Variants in NUCKS1 observed in about 807,000 individuals in gnomAD.
The protein encoded by NUCKS1 is nuclear ubiquitous casein and cyclin-dependent kinase substrate 1.
NUCKS1 carries 2 observed loss-of-function variants against 33.0 expected under a neutral mutation model. The observed-to-expected ratio is 0.06, with a 90% CI of 0.02 to 0.19. NUCKS1 has a LOEUF of 0.19. Among genes scored for constraint, NUCKS1 ranks in the 10% least tolerant of loss-of-function variants. The pLI is 1.00. For missense variants in NUCKS1, 201 were observed against 293.6 expected, an observed-to-expected ratio of 0.68 and a Z score of 2.31; for synonymous variants, 106 against 102.8, an observed-to-expected ratio of 1.03 and a Z score of -0.19.
intron 1 of NUCKS1, among the ~76,000 whole-genome samples, chr1:205,739,264 C>T (rs1181117965): frequency 6.6e-6 from 1 of 152,202 alleles, no homozygotes; most frequent in Non-Finnish European, 1.5e-5. Context: ...TCAAACCTTC[C>T]TTTCCTAAGT....
intron 1 of NUCKS1, among the ~76,000 whole-genome samples, chr1:205,740,008 T>TTG (rs1654127797): frequency 7.1e-6 from 1 of 140,380 alleles, no homozygotes; most frequent in Non-Finnish European, 1.6e-5. Context: ...TTTTTTTTTT[T>TTG]TTTTTTTTTT....
At chr1:205,728,643 C>G (rs1414026323) in intron 2 of NUCKS1, among the ~76,000 whole-genome samples, 1 of 151,736 alleles carries the variant, frequency 6.6e-6, no homozygotes, top group Non-Finnish European at 1.5e-5. Context: ...TTTTCTAAGT[C>G]TTCCCAAAGG....
intron 1 of NUCKS1, among the ~76,000 whole-genome samples, chr1:205,731,895 C>CAAAAA (rs34020544): frequency 8.9e-6 from 1 of 111,860 alleles, no homozygotes; most frequent in Non-Finnish European, 1.9e-5. Flanking sequence ...GACTCCGTCT[C>CAAAAA]AAAAAAAAAA....
intron 1 of NUCKS1, among the ~76,000 whole-genome samples, chr1:205,735,449 G>A (rs1004739808): frequency 2.6e-5 from 4 of 152,186 alleles, no homozygotes; most frequent in South Asian, 2.1e-4. Flanking sequence ...GGTGCTATGT[G>A]ACACATGATA....
At chr1:205,746,870 G>A (rs770725421) in intron 1 of NUCKS1, among the ~76,000 whole-genome samples, 3 of 152,146 alleles carry the variant, frequency 2.0e-5, no homozygotes, top group Non-Finnish European at 4.4e-5. Context: ...AGCACACTTA[G>A]GTTACAAGGA....
chr1:205,742,353 A>G (rs745867643), intron 1 of NUCKS1, among the ~76,000 whole-genome samples: 24 of 152,238 alleles, frequency 1.6e-4, no homozygotes, highest in Admixed American at 9.8e-4. Flanking sequence ...CTCTTCATCT[A>G]AAGTGTTTCA....
intron 1 of NUCKS1, among the ~76,000 whole-genome samples, chr1:205,734,294 G>A (rs931393281): frequency 6.6e-6 from 1 of 151,846 alleles, no homozygotes; most frequent in South Asian, 2.1e-4. Flanking sequence ...AGACTATATT[G>A]GCATTATATA....
chr1:205,732,438 T>C (rs2102439377), intron 1 of NUCKS1, among the ~76,000 whole-genome samples: 1 of 152,156 alleles, frequency 6.6e-6, no homozygotes, highest in East Asian at 1.9e-4. Context: ...AGATTAAGAG[T>C]TCTTTACAAC....
At position 205,716,876 on chromosome 1, in the gene NUCKS1, C is replaced by T. The variant is rs77146670; in HGVS notation, c.*1404G>A. 6.6e-6 allele frequency: 1 copy of T among 152,140 alleles called. No individual in the cohort carries two copies. The highest frequency in any genetic ancestry group is 6.5e-5 in the Admixed American group (1 of 15,268). The allele number at this position is 152,140 out of a possible 1,614,324, so 9.4% of individuals were successfully genotyped here. A position where few individuals can be genotyped will look rare whatever the true frequency, so the allele number is the denominator to read the frequency against. On this transcript the variant is annotated 3_prime_UTR_variant, in exon 7 of 7. Coordinates refer to ENST00000367142, the MANE Select transcript of NUCKS1 (RefSeq NM_022731.5). ...AACTGCACACAGGCCTCCTAAAATGCCTTGTTTCTCTAGTCCCTCCTGCTT... is the reference window on the plus strand; with the variant it reads ...AACTGCACACAGGCCTCCTAAAATGTCTTGTTTCTCTAGTCCCTCCTGCTT...
intron 6 of NUCKS1, among the ~76,000 whole-genome samples, chr1:205,719,043 C>T (rs1671876748): frequency 6.6e-6 from 1 of 152,110 alleles, no homozygotes; most frequent in African/African-American, 2.4e-5. Context: ...GAGGAGAAAC[C>T]ATTAGGGCTC....
chr1:205,741,587 AT>A (rs1654177340), intron 1 of NUCKS1, among the ~76,000 whole-genome samples: 1 of 152,162 alleles, frequency 6.6e-6, no homozygotes, highest in Non-Finnish European at 1.5e-5. Context: ...AGCCTGACAA[AT>A]TTAGGTTTAT....
intron 3 of NUCKS1, among the ~76,000 whole-genome samples, chr1:205,727,291 T>C (rs906449696): frequency 7.2e-5 from 11 of 152,134 alleles, no homozygotes; most frequent in Non-Finnish European, 1.5e-5. Context: ...GAGGCAAAAT[T>C]ATAGTTAAAA....
intron 1 of NUCKS1, among the ~76,000 whole-genome samples, chr1:205,745,703 A>G (rs1257551740): frequency 6.6e-6 from 1 of 152,168 alleles, no homozygotes; most frequent in Non-Finnish European, 1.5e-5. Context: ...AAAAAATGCT[A>G]GTTTTGTATT....
At chr1:205,725,495 T>G (rs868140978) in intron 3 of NUCKS1, among the ~76,000 whole-genome samples, 2 of 152,340 alleles carry the variant, frequency 1.3e-5, no homozygotes, top group Middle Eastern at 3.4e-3. Flanking sequence ...CTGAAACCTG[T>G]GACTGTTCTG....
In NUCKS1 at chr1:205,712,896, T is replaced by C. The variant is rs1054216269; in HGVS notation, c.*5384A>G. 2.0e-5 allele frequency: 3 copies of C among 152,216 alleles called. No individual in the cohort carries two copies. The highest frequency in any genetic ancestry group is 4.4e-5 in the Non-Finnish European group (3 of 68,032). The allele number at this position is 152,216 out of a possible 1,614,324, so 9.4% of individuals were successfully genotyped here. ...TTCCACAACACTTCATAACCTTGGA[T>C]GTAAACATGAGAAAAAATGCTAATT... is the stretch of plus-strand genomic sequence containing the variant. On this transcript the variant is annotated 3_prime_UTR_variant, in exon 7 of 7. Transcript: ENST00000367142.
At chr1:205,741,676 G>A (rs952823952) in intron 1 of NUCKS1, among the ~76,000 whole-genome samples, 1 of 152,178 alleles carries the variant, frequency 6.6e-6, no homozygotes. Context: ...ACAGAATTTT[G>A]GAGAAGGGTA....
At chr1:205,719,205 G>C (rs761204459) in intron 6 of NUCKS1, among the ~76,000 whole-genome samples, 1 of 152,196 alleles carries the variant, frequency 6.6e-6, no homozygotes, top group African/African-American at 2.4e-5. Flanking sequence ...TGTGATACCA[G>C]TGAGGAAAAA....
In NUCKS1 at chr1:205,727,804, A is replaced by G; in HGVS notation, c.69T>C (p.Asp23=). 1 of 1,597,096 alleles carries G rather than the reference A, an allele frequency of 6.3e-7. No homozygotes were observed. The highest frequency in any genetic ancestry group is 8.6e-7 in the Non-Finnish European group (1 of 1,166,202). ...YSQFQESDDA[D]EDYGRDSGPP... ...GGCCCGAATCTCTTCCATAATCTTCATCTAAACAGTGTTTTTCAAACTTAA... is the reference window on the plus strand; with the variant it reads ...GGCCCGAATCTCTTCCATAATCTTCGTCTAAACAGTGTTTTTCAAACTTAA... The change falls in exon 3 of 7, where the codon GAT becomes GAC. Residue 23 remains aspartate, a splice_region_variant and synonymous_variant. Transcript: ENST00000367142.
rs1571567555 is a variant in NUCKS1 at position 205,717,729 on chromosome 1, GA to G, written c.*550del. 1 of 985,058 alleles carries G rather than the reference GA, an allele frequency of 1.0e-6. No individual in the cohort carries two copies. Among genetic ancestry groups the G allele is most frequent in the African/African-American group, 1.7e-5 (1 of 57,258 alleles). 61.0% of individuals were successfully genotyped at this position (985,058 alleles called of 1,614,324 possible). On this transcript the variant is annotated 3_prime_UTR_variant, in exon 7 of 7. Transcript: ENST00000367142. The stretch of plus-strand genomic sequence containing the variant: ...CTCATCGGTGGAAGTTTAAAGTCAT[GA>G]TTTTTTTTAGACATTGATACTTGTG...
Sources: allele counts gnomAD v4.1 joint callset (sites outside exome capture counted in the v4.1 genomes callset), GRCh38; gene constraint gnomAD v4.1.1; transcripts MANE v1.5; gene names NCBI Gene and HGNC (gene_info 2026-07-23, HGNC 2026-07-21).